The following DIP2C variants were observed in gnomAD, a reference collection of about 807,000 sequenced individuals.
DIP2C encodes disco-interacting protein 2 homolog C.
DIP2C carries 33 observed loss-of-function variants against 192.4 expected under a neutral mutation model. The observed-to-expected ratio is 0.17, with a 90% CI of 0.13 to 0.23. DIP2C has a LOEUF of 0.23. DIP2C is among the 10% of genes least tolerant of loss of function. The probability of loss-of-function intolerance (pLI) is 1.00; values close to 1 mark genes in which losing one functional copy is unlikely to be tolerated. For missense variants in DIP2C, 1,537 were observed against 2,110.1 expected, an observed-to-expected ratio of 0.73 and a Z score of 5.32; for synonymous variants, 979 against 864.1, an observed-to-expected ratio of 1.13 and a Z score of -2.33.
At chr10:535,178 G>A (rs1009149427) in intron 1 of DIP2C, among the ~76,000 whole-genome samples, 11 of 152,002 alleles carry the variant, frequency 7.2e-5, no homozygotes, top group African/African-American at 2.4e-4. Context: ...CTCCTCTACC[G>A]CAGCCTGTTC....
intron 16 of DIP2C, among the ~76,000 whole-genome samples, chr10:383,171 T>C (rs1334644936): frequency 1.3e-5 from 2 of 152,240 alleles, no homozygotes; most frequent in Non-Finnish European, 2.9e-5. Flanking sequence ...AATATAGATA[T>C]ACTTTTCTTT....
intron 1 of DIP2C, among the ~76,000 whole-genome samples, chr10:624,347 T>C (rs1268070599): frequency 6.6e-6 from 1 of 152,094 alleles, no homozygotes. Context: ...TGGGACCGTC[T>C]AGGGGAGCCC....
intron 1 of DIP2C, chr10:662,752 ACTTAT>A (rs769024324): frequency 4.7e-6 from 3 of 636,376 alleles, no homozygotes; most frequent in South Asian, 1.9e-5. Flanking sequence ...TTCAAATCTA[ACTTAT>A]CTTATTTCTC....
intron 3 of DIP2C, among the ~76,000 whole-genome samples, chr10:461,026 G>A (rs1969730131): frequency 6.6e-6 from 1 of 152,152 alleles, no homozygotes; most frequent in Non-Finnish European, 1.5e-5. Flanking sequence ...CACCAGGTCT[G>A]CCTTACAAGA....
chr10:580,374 A>G (rs1317566444), intron 1 of DIP2C, among the ~76,000 whole-genome samples: 1 of 152,170 alleles, frequency 6.6e-6, no homozygotes, highest in Non-Finnish European at 1.5e-5. Flanking sequence ...GCACACATGT[A>G]TATATATAAG....
intron 32 of DIP2C, among the ~76,000 whole-genome samples, chr10:295,518 G>A (rs1056979337): frequency 7.3e-5 from 9 of 124,010 alleles, no homozygotes; most frequent in African/African-American, 2.5e-4. Context: ...CCGAGATAGC[G>A]CCACTGCAGT....
chr10:626,650 G>T (rs1455477988), intron 1 of DIP2C, among the ~76,000 whole-genome samples: 1 of 152,144 alleles, frequency 6.6e-6, no homozygotes, highest in Non-Finnish European at 1.5e-5. Context: ...TCAGGACGGG[G>T]GACACACCCT....
intron 1 of DIP2C, among the ~76,000 whole-genome samples, chr10:510,403 A>G (rs914907213): frequency 1.4e-4 from 21 of 152,278 alleles, no homozygotes; most frequent in Middle Eastern, 3.4e-3. Context: ...TCCTGCACCT[A>G]TATTTAGCCT....
At chr10:630,993 A>G (rs1854485126) in intron 1 of DIP2C, 1 of 152,334 alleles carries the variant, frequency 6.6e-6, no homozygotes, top group East Asian at 1.9e-4. Flanking sequence ...AGGGCTCCTC[A>G]ATGGGGAATT....
chr10:309,182 T>G (rs2132315414), intron 32 of DIP2C, among the ~76,000 whole-genome samples: 1 of 152,248 alleles, frequency 6.6e-6, no homozygotes, highest in Admixed American at 6.5e-5. Context: ...TTCCTTCCTC[T>G]CTGGCATCTT....
At chr10:352,207 C>T (rs1958847347) in intron 24 of DIP2C, among the ~76,000 whole-genome samples, 1 of 152,276 alleles carries the variant, frequency 6.6e-6, no homozygotes, top group Non-Finnish European at 1.5e-5. Context: ...GGTTTGCCCA[C>T]ATTCTGGGTC....
At chr10:488,436 T>C (rs1844175775) in intron 1 of DIP2C, among the ~76,000 whole-genome samples, 1 of 152,198 alleles carries the variant, frequency 6.6e-6, no homozygotes, top group Non-Finnish European at 1.5e-5. Flanking sequence ...GAGGCACAAA[T>C]GGTACTCACG....
chr10:628,432 G>T (rs565998863), intron 1 of DIP2C, among the ~76,000 whole-genome samples: 12 of 152,342 alleles, frequency 7.9e-5, no homozygotes, highest in African/African-American at 2.9e-4. Flanking sequence ...TAGATTATCT[G>T]CTTTGGTGAC....
At chr10:566,746 G>T (rs1849488272) in intron 1 of DIP2C, among the ~76,000 whole-genome samples, 1 of 152,324 alleles carries the variant, frequency 6.6e-6, no homozygotes, top group Admixed American at 6.5e-5. Context: ...GTACAGCCGT[G>T]GCCCACGACT....
At chr10:464,517 A>G (rs1180535155) in intron 3 of DIP2C, among the ~76,000 whole-genome samples, 1 of 151,692 alleles carries the variant, frequency 6.6e-6, no homozygotes, top group Non-Finnish European at 1.5e-5. Context: ...GAGGATGTGA[A>G]GAAACACCAC....
At chr10:460,491 G>T (rs1002796672) in intron 3 of DIP2C, among the ~76,000 whole-genome samples, 9 of 152,146 alleles carry the variant, frequency 5.9e-5, no homozygotes, top group African/African-American at 2.2e-4. Context: ...AATGAAATGA[G>T]AAAATACATC....
intron 9 of DIP2C, among the ~76,000 whole-genome samples, chr10:402,671 A>C (rs1353573880): frequency 4.8e-4 from 9 of 18,918 alleles, no homozygotes; most frequent in African/African-American, 5.1e-4. Flanking sequence ...ACTCTTCCTT[A>C]TGGACAAGTT....
At chr10:409,631 G>A (rs1230022644) in intron 8 of DIP2C, among the ~76,000 whole-genome samples, 1 of 152,236 alleles carries the variant, frequency 6.6e-6, no homozygotes, top group East Asian at 1.9e-4. Flanking sequence ...CGGTGTCACT[G>A]CCACAAAGTC....
intron 3 of DIP2C, among the ~76,000 whole-genome samples, chr10:457,217 C>T (rs1384368064): frequency 6.6e-6 from 1 of 152,140 alleles, no homozygotes; most frequent in African/African-American, 2.4e-5. Flanking sequence ...CTATGCATCT[C>T]CTATTTTATT....
Sources: gnomAD v4.1 joint callset for allele counts (sites outside exome capture counted in the v4.1 genomes callset) on GRCh38, gnomAD v4.1.1 for gene constraint, MANE v1.5 for transcripts, NCBI Gene and HGNC (gene_info 2026-07-23, HGNC 2026-07-21) for gene names.